The following TSNAX variants were observed in gnomAD, a reference collection of about 807,000 sequenced individuals.
The protein encoded by TSNAX is translin associated factor X, also known as translin-associated protein X.
A neutral mutation model predicts 33.0 loss-of-function variants in TSNAX; 12 were observed. The observed-to-expected ratio is 0.36, with a 90% confidence interval of 0.23 to 0.59. The LOEUF (loss-of-function observed/expected upper bound fraction) is 0.59, where lower values mean the gene tolerates loss of function less well. Ranked by LOEUF, TSNAX falls within the 20% of genes least tolerant of loss-of-function variation. TSNAX has a pLI of 0.74. For synonymous variants in TSNAX, 110 were observed against 117.2 expected (o/e 0.94, Z 0.40); for missense variants, 267 against 341.3 (o/e 0.78, Z 1.72).
chr1:231,559,912 C>A (rs745684186), intron 4 of TSNAX, among the ~76,000 whole-genome samples: 6 of 151,164 alleles, frequency 4.0e-5, no homozygotes, highest in Non-Finnish European at 4.4e-5. Flanking sequence ...TTGACACTTA[C>A]CTACATTAGT....
intron 2 of TSNAX, 132 bp from the exon 3 acceptor site, chr1:231,537,081 G>C: frequency 1.8e-6 from 1 of 555,450 alleles, no homozygotes; most frequent in Non-Finnish European, 3.2e-6. Flanking sequence ...TCCACCTACC[G>C]TGGCCTCCCA....
chr1:231,536,308 A>C (rs1200799760), intron 2 of TSNAX: 1 of 152,216 alleles, frequency 6.6e-6, no homozygotes, highest in Non-Finnish European at 1.5e-5. Flanking sequence ...TTATGTATGC[A>C]ATATTACTAC....
intron 2 of TSNAX, among the ~76,000 whole-genome samples, chr1:231,533,482 CT>C (rs1037793790): frequency 6.6e-6 from 1 of 152,164 alleles, no homozygotes; most frequent in Non-Finnish European, 1.5e-5. Context: ...AACCCAGGAT[CT>C]TTAATGTCCG....
Position 231,564,861 on chromosome 1 carries a change from T to C in TSNAX, c.829T>C (p.Ser277Pro). The C allele has an allele frequency of 6.2e-7, 1 of 1,614,204 alleles. No individual in the cohort carries two copies. The highest frequency in any genetic ancestry group is 8.5e-7 in the Non-Finnish European group (1 of 1,180,024). The change falls in exon 6 of 6, where the codon TCA becomes CCA. Residue 277 changes from serine (S) to proline (P), a missense_variant. Around this residue, in one of 2 missense-constraint regions of TSNAX, gnomAD observed 67 missense variants for 127.2 expected, o/e 0.53. Coordinates refer to ENST00000366639, the MANE Select transcript of TSNAX (RefSeq NM_005999.3). Reference protein sequence around the residue: ...IPKHMLADVFSVKTEMIDQEE... With the variant: ...IPKHMLADVFPVKTEMIDQEE... Reference sequence around the variant, plus strand: ...AAAACATATGTTGGCAGATGTGTTTTCAGTTAAAACAGAAATGATAGATCA... The same window carrying C: ...AAAACATATGTTGGCAGATGTGTTTCCAGTTAAAACAGAAATGATAGATCA...
intron 4 of TSNAX, among the ~76,000 whole-genome samples, chr1:231,547,533 G>C (rs967430411): frequency 2.6e-5 from 4 of 151,274 alleles, no homozygotes; most frequent in Non-Finnish European, 4.4e-5. Flanking sequence ...TGGGACTATA[G>C]GCAAATGCCA....
Position 231,534,613 on chromosome 1 carries a change from TAA to T in TSNAX, c.122-2599_122-2598del, listed in dbSNP as rs1193934160. On this transcript the variant is annotated intron_variant, in intron 2 of 5. Transcript: ENST00000366639. ...TGAAAAAGTAATAGCAGCAAAATAA[TAA>T]GACATTATTCCATGTTAGGGGCAGT... is the stretch of plus-strand genomic sequence containing the variant. 5.3e-5 allele frequency: 8 copies of T among 152,316 alleles called. No homozygotes were observed. In the East Asian group the frequency reaches 1.5e-3, roughly 29 times the overall value. 9.4% of individuals were successfully genotyped at this position (152,316 alleles called of 1,614,324 possible). A position where few individuals can be genotyped will look rare whatever the true frequency, so the allele number is the denominator to read the frequency against.
At chr1:231,561,703 G>A (rs775493790) in intron 5 of TSNAX, among the ~76,000 whole-genome samples, 19 of 152,170 alleles carry the variant, frequency 1.2e-4, no homozygotes, top group Non-Finnish European at 2.2e-4. Context: ...TAGGTATTTT[G>A]AATCCAAGCC....
In TSNAX at chr1:231,542,550, C is replaced by T; in HGVS notation, c.306C>T (p.Phe102=). Residue 102 remains phenylalanine, a synonymous_variant, in exon 4 of 6, where the codon TTC becomes TTT. Transcript: ENST00000366639. ...IKLDGVRQKI[F]QVAQELSGED... is the part of the protein sequence containing the mutation. ...TGGATGGTGTCAGACAAAAGATATT[C>T]CAGGTAGCCCAAGAGCTATCAGGGG... The T allele has an allele frequency of 1.2e-6, 2 of 1,613,948 alleles. No individual in the cohort carries two copies. The highest frequency in any genetic ancestry group is 8.5e-7 in the Non-Finnish European group (1 of 1,179,916).
chr1:231,553,100 G>T (rs1391677617), intron 4 of TSNAX, among the ~76,000 whole-genome samples: 2 of 152,096 alleles, frequency 1.3e-5, no homozygotes, highest in East Asian at 3.9e-4. Flanking sequence ...GCTCTTTTGG[G>T]TGTATATACC....
Position 231,529,379 on chromosome 1 carries a change from A to C in TSNAX, c.121+20A>C. On this transcript the variant is annotated intron_variant, in intron 2 of 5. Transcript: ENST00000366639. The stretch of plus-strand genomic sequence containing the variant: ...TTAAATGTAAGTTCTCTGCAATGTA[A>C]GTTGAAGAAGGGGAGAGAACAAAAT... The C allele has an allele frequency of 6.2e-7, 1 of 1,609,884 alleles. No individual in the cohort carries two copies. Among genetic ancestry groups the C allele is most frequent in the Non-Finnish European group, 8.5e-7 (1 of 1,176,388 alleles).
At chr1:231,538,241 A>G (rs1659319512) in intron 3 of TSNAX, among the ~76,000 whole-genome samples, 1 of 152,226 alleles carries the variant, frequency 6.6e-6, no homozygotes, top group Non-Finnish European at 1.5e-5. Context: ...AAAGAAACTA[A>G]CTTAAACTAG....
chr1:231,556,709 A>G (rs982464018), intron 4 of TSNAX, among the ~76,000 whole-genome samples: 1 of 152,098 alleles, frequency 6.6e-6, no homozygotes, highest in Admixed American at 6.5e-5. Flanking sequence ...ACCTATTGCC[A>G]TGTATAAGAC....
intron 2 of TSNAX, chr1:231,535,584 AAAAC>A (rs985219206): frequency 3.3e-5 from 5 of 152,236 alleles, no homozygotes; most frequent in Admixed American, 1.3e-4. Context: ...ATTCGAGACT[AAAAC>A]AAATTAAGCA....
chr1:231,544,363 T>C lies in TSNAX; in HGVS notation c.367+1752T>C, dbSNP rs146088022. Reference sequence around the variant, plus strand: ...ATCACATCATCATGTAGTATGCCTATCTTGCAAAAATTCATGACAGTTAAT... The same window carrying C: ...ATCACATCATCATGTAGTATGCCTACCTTGCAAAAATTCATGACAGTTAAT... On this transcript the variant is annotated intron_variant, in intron 4 of 5. Transcript: ENST00000366639. 2.6e-3 allele frequency among the ~76,000 whole-genome samples: 397 copies of C among 152,326 alleles called. 1 individual carries two copies. Among genetic ancestry groups the C allele is most frequent in the African/African-American group, 9.1e-3 (378 of 41,576 alleles).
chr1:231,541,093 A>T (rs1348046301), intron 3 of TSNAX, among the ~76,000 whole-genome samples: 1 of 152,148 alleles, frequency 6.6e-6, no homozygotes, highest in African/African-American at 2.4e-5. Flanking sequence ...CATTTAATGC[A>T]GTTATTGCTA....
Position 231,529,358 on chromosome 1 carries a change from A to C in TSNAX, c.120A>C (p.Lys40Asn). The C allele has an allele frequency of 1.2e-6, 2 of 1,614,048 alleles. No homozygotes were observed. Among genetic ancestry groups the C allele is most frequent in the Non-Finnish European group, 8.5e-7 (1 of 1,179,920 alleles). The stretch of plus-strand genomic sequence containing the variant: ...CTTCACCCGTGATGTTGGCCTTTAA[A>C]TGTAAGTTCTCTGCAATGTAAGTTG... ...NSSSPVMLAF[K>N]SFQQELDARH... The change falls in exon 2 of 6, where the codon AAA becomes AAC. Residue 40 changes from lysine (K) to asparagine (N), a missense_variant and splice_region_variant. By Grantham distance (94) the Lys-to-Asn change is moderately conservative. Around this residue, in one of 2 missense-constraint regions of TSNAX, gnomAD observed 200 missense variants for 214.1 expected, o/e 0.93. Transcript: ENST00000366639.
chr1:231,543,490 C>T (rs1446251696), intron 4 of TSNAX, among the ~76,000 whole-genome samples: 2 of 152,066 alleles, frequency 1.3e-5, no homozygotes, highest in Admixed American at 1.3e-4. Flanking sequence ...ATCGTGTCAG[C>T]ACTCAAAACG....
chr1:231,552,182 G>A (rs1334925980), intron 4 of TSNAX, among the ~76,000 whole-genome samples: 1 of 152,180 alleles, frequency 6.6e-6, no homozygotes, highest in Non-Finnish European at 1.5e-5. Context: ...CTACTCGGGA[G>A]GCTGAGGCAG....
rs180850192 is a variant in TSNAX at position 231,549,840 on chromosome 1, T to G, written c.367+7229T>G. The stretch of plus-strand genomic sequence containing the variant: ...CCGATTCCAAGATACTATATTAGTT[T>G]ACTAGGCCTGTCATAATAAAATACC... On this transcript the variant is annotated intron_variant, in intron 4 of 5. Coordinates refer to ENST00000366639, the MANE Select transcript of TSNAX (RefSeq NM_005999.3). 1.1e-3 allele frequency among the ~76,000 whole-genome samples: 166 copies of G among 152,310 alleles called. 1 individual carries two copies. The highest frequency in any genetic ancestry group is 4.1e-4 in the South Asian group (2 of 4,826).
Sources: allele counts gnomAD v4.1 joint callset (sites outside exome capture counted in the v4.1 genomes callset), GRCh38; gene constraint gnomAD v4.1.1; regional missense constraint gnomAD v4.1.1; transcripts MANE v1.5; gene names NCBI Gene and HGNC (gene_info 2026-07-23, HGNC 2026-07-21).